PLIN5: variants seen among roughly 807,000 people sequenced by gnomAD.
The protein encoded by PLIN5 is perilipin 5, also known as perilipin-5.
In PLIN5, 34 loss-of-function variants were observed where a neutral mutation model predicts 32.8. That is an observed-to-expected ratio of 1.04 (90% CI 0.79 to 1.38). The LOEUF (loss-of-function observed/expected upper bound fraction) is 1.38, where lower values mean the gene tolerates loss of function less well. Among genes scored for constraint, PLIN5 ranks in the 40% most tolerant of loss-of-function variants. PLIN5 has a pLI of 0.00. For synonymous variants in PLIN5, 309 were observed against 292.9 expected (o/e 1.05, Z -0.56); for missense variants, 712 against 660.5 (o/e 1.08, Z -0.85).
chr19:4,529,266 G>C lies in PLIN5; in HGVS notation c.340-13C>G. On this transcript the variant is annotated splice_polypyrimidine_tract_variant and intron_variant, in intron 4 of 7. Coordinates refer to ENST00000381848, the MANE Select transcript of PLIN5 (RefSeq NM_001013706.3). The stretch of plus-strand genomic sequence containing the variant: ...CTGAGGTCACCACCTGGAAGGAAGG[G>C]CCCCCCCACTCCAGGCACCGTGGGA... 6.3e-7 allele frequency: 1 copy of C among 1,586,954 alleles called. No homozygotes were observed. The highest frequency in any genetic ancestry group is 8.6e-7 in the Non-Finnish European group (1 of 1,164,074).
In PLIN5 at chr19:4,528,964, G is replaced by A. The variant is rs530160756; in HGVS notation, c.520+109C>T. Reference sequence around the variant, plus strand: ...CCTGGTTTTGAGTTGTATGTTTCCTGCTGATCTGCTGTGTGACCTTGGGTG... The same window carrying A: ...CCTGGTTTTGAGTTGTATGTTTCCTACTGATCTGCTGTGTGACCTTGGGTG... On this transcript the variant is annotated intron_variant, in intron 5 of 7. Transcript: ENST00000381848. 304 of 1,202,770 alleles carry A rather than the reference G, an allele frequency of 2.5e-4. 9 individuals carry two copies. In the South Asian group the frequency reaches 4.6e-3, roughly 18 times the overall value. The allele number at this position is 1,202,770 out of a possible 1,614,324, so 74.5% of individuals were successfully genotyped here.
chr19:4,534,743 T>A (rs772457021), intron 1 of PLIN5, among the ~76,000 whole-genome samples: 1 of 152,176 alleles, frequency 6.6e-6, no homozygotes, highest in African/African-American at 2.4e-5. Flanking sequence ...GGGAGGTCCC[T>A]GCTACCCCTG....
chr19:4,531,777 A>C lies in PLIN5; in HGVS notation c.106T>G (p.Cys36Gly), dbSNP rs768161547. The change falls in exon 3 of 8, where the codon TGC becomes GGC. Residue 36 changes from cysteine (C) to glycine (G), a missense_variant. Transcript: ENST00000381848. Reference sequence around the variant, plus strand: ...CTGTAAACATCGCAGACCGCGGTGCACGTGGCCCTGACCAGGGGCAGAGCC... The same window carrying C: ...CTGTAAACATCGCAGACCGCGGTGCCCGTGGCCCTGACCAGGGGCAGAGCC... ...VVALPLVRAT[C>G]TAVCDVYSAA... 1 of 1,591,504 alleles carries C rather than the reference A, an allele frequency of 6.3e-7. No individual in the cohort carries two copies. Among genetic ancestry groups the C allele is most frequent in the African/African-American group, 1.3e-5 (1 of 74,588 alleles).
chr19:4,534,988 C>G (rs760703368), intron 1 of PLIN5, among the ~76,000 whole-genome samples, 177 bp downstream of exon 1: 1 of 152,224 alleles, frequency 6.6e-6, no homozygotes, highest in Non-Finnish European at 1.5e-5. Flanking sequence ...TCCTCTGAGG[C>G]CTGGTCCTCG....
In PLIN5 at chr19:4,523,640, C is replaced by T. The variant is rs914542592; in HGVS notation, c.1280G>A (p.Ser427Asn). The T allele has an allele frequency of 6.2e-7, 1 of 1,610,350 alleles. No individual in the cohort carries two copies. The highest frequency in any genetic ancestry group is 8.5e-7 in the Non-Finnish European group (1 of 1,178,518). Residue 427 changes from serine to asparagine, a missense_variant, in exon 8 of 8, where the codon AGT (serine) becomes AAT (asparagine). By Grantham distance (46) the Ser-to-Asn change is conservative. Coordinates refer to ENST00000381848, the MANE Select transcript of PLIN5 (RefSeq NM_001013706.3). This position sits in a 1 kb window ranked among gnomAD's most constrained non-coding sequence, Gnocchi z 5.0. The stretch of plus-strand genomic sequence containing the variant: ...CATCCTGTCCCCATCCCCATTCCCA[C>T]TCCCGTCCCTGTGCTCTGCCTCCCA... ...RAWEAEHRDGSGNGDGDRMGV... is the reference protein window; with the variant it reads ...RAWEAEHRDGNGNGDGDRMGV...
chr19:4,529,600 CATATATGT>C (rs1446025754), intron 4 of PLIN5, 176 bp downstream of exon 4: 5 of 450,070 alleles, frequency 1.1e-5, no homozygotes, highest in African/African-American at 6.9e-5. Context: ...TACGTATATA[CATATATGT>C]ATACACACAC....
intron 2 of PLIN5, chr19:4,533,349 C>G (rs1280245949): frequency 6.6e-6 from 1 of 152,508 alleles, no homozygotes; most frequent in African/African-American, 2.4e-5. Context: ...GCCCGCTTGG[C>G]CTCCCAAAGT....
At position 4,525,546 on chromosome 19, in the gene PLIN5, G is replaced by T; in HGVS notation, c.720+87C>A. The T allele has an allele frequency of 6.6e-7, 1 of 1,509,140 alleles. No homozygotes were observed. The highest frequency in any genetic ancestry group is 9.0e-7 in the Non-Finnish European group (1 of 1,110,458). The allele number at this position is 1,509,140 out of a possible 1,614,324, so 93.5% of individuals were successfully genotyped here. On this transcript the variant is annotated intron_variant, in intron 6 of 7. Transcript: ENST00000381848. This position sits in a 1 kb window ranked among gnomAD's most constrained non-coding sequence, Gnocchi z 5.6. ...CACCCAGCTCCGCCTCCTGCTTTAGGCTAGCACGGGATCCGGTATTCAGCT... is the reference window on the plus strand; with the variant it reads ...CACCCAGCTCCGCCTCCTGCTTTAGTCTAGCACGGGATCCGGTATTCAGCT...
chr19:4,534,047 G>A lies in PLIN5; in HGVS notation c.28C>T (p.Pro10Ser), dbSNP rs1568247048. ...TCCTGCTCCCACACACTGGATCTGG[G>A]GATCTGAGCCGCCTCTTCTTCAGAC... MSEEEAAQI[P>S]RSSVWEQDQQ... The change falls in exon 2 of 8, where the codon CCC becomes TCC. Residue 10 changes from proline (P) to serine (S), a missense_variant. Pro to Ser is a moderately conservative substitution (Grantham distance 74). Transcript: ENST00000381848. 2 of 1,613,188 alleles carry A rather than the reference G, an allele frequency of 1.2e-6. No homozygotes were observed. The highest frequency in any genetic ancestry group is 2.7e-5 in the African/African-American group (2 of 74,912).
intron 4 of PLIN5, 148 bp downstream of exon 4, chr19:4,529,610 TACACACACACACACACACACACACAC>T (rs56850019): frequency 2.1e-5 from 9 of 432,428 alleles, no homozygotes; most frequent in Admixed American, 3.4e-5. Flanking sequence ...CATATATGTA[TACACACACACACACACACACACACAC>T]ACACACACAC....
In PLIN5 at chr19:4,524,971, G is replaced by A. The variant is rs111442645; in HGVS notation, c.826C>T (p.Arg276Trp). 1.2e-4 allele frequency: 185 copies of A among 1,531,060 alleles called. 1 individual carries two copies. The highest frequency in any genetic ancestry group is 4.6e-4 in the Middle Eastern group (2 of 4,354). The allele number at this position is 1,531,060 out of a possible 1,614,324, so 94.8% of individuals were successfully genotyped here. A position where few individuals can be genotyped will look rare whatever the true frequency, so the allele number is the denominator to read the frequency against. ...WGQRPPESRRRSQAELETLVL... is the reference protein window; with the variant it reads ...WGQRPPESRRWSQAELETLVL... ...CACTCCTGCGGTCTCACCTGGCTCC[G>A]GCGGCGGCTCTCCGGAGGGCGCTGG... The change falls in exon 7 of 8, where the codon CGG (arginine) becomes TGG (tryptophan). Residue 276 changes from arginine to tryptophan, a missense_variant. Physicochemically the swap from Arg to Trp is moderately radical, Grantham distance 101 (BLOSUM62 -3). Coordinates refer to ENST00000381848, the MANE Select transcript of PLIN5 (RefSeq NM_001013706.3).
At chr19:4,530,463 A>G (rs1401676144) in intron 3 of PLIN5, among the ~76,000 whole-genome samples, 3 of 152,154 alleles carry the variant, frequency 2.0e-5, no homozygotes, top group Non-Finnish European at 4.4e-5. Flanking sequence ...TCATCGGCTC[A>G]GGGGTCCACA....
At position 4,528,923 on chromosome 19, in the gene PLIN5, C is replaced by T. The variant is rs149066337; in HGVS notation, c.520+150G>A. ...CAGGTTGAGGGGCCGTGGAAGTGAC[C>T]GGGAGGGAGGACAGGCCTGGTTTTG... On this transcript the variant is annotated intron_variant, in intron 5 of 7. Transcript: ENST00000381848. 1.1e-4 allele frequency: 88 copies of T among 821,450 alleles called. No individual in the cohort carries two copies. In the East Asian group the frequency reaches 2.3e-3, roughly 22 times the overall value. 50.9% of individuals were successfully genotyped at this position (821,450 alleles called of 1,614,324 possible). A position where few individuals can be genotyped will look rare whatever the true frequency, so the allele number is the denominator to read the frequency against.
chr19:4,529,562 TTATACG>T (rs1287778540), intron 4 of PLIN5: 2 of 478,302 alleles, frequency 4.2e-6, no homozygotes, highest in Non-Finnish European at 3.6e-6. Context: ...ACATATATAC[TTATACG>T]TATATATACA....
intron 5 of PLIN5, among the ~76,000 whole-genome samples, chr19:4,526,272 A>C (rs1012764789): frequency 3.3e-5 from 5 of 151,908 alleles, no homozygotes; most frequent in African/African-American, 4.8e-5. Flanking sequence ...CCTAGGCTGG[A>C]GTGCAGTGGC....
chr19:4,525,805 G>A lies in PLIN5; in HGVS notation c.548C>T (p.Pro183Leu). ...LAALAAEAEG[P>L]EVGSVEDQRR... is the part of the protein sequence containing the mutation. ...CTGATCCTCCACCGAACCCACTTCA[G>A]GGCCTTCAGCCTCAGCCGCCAGTGC... is the stretch of plus-strand genomic sequence containing the variant. The change falls in exon 6 of 8, where the codon CCT (proline) becomes CTT (leucine). Residue 183 changes from proline to leucine, a missense_variant. Coordinates refer to ENST00000381848, the MANE Select transcript of PLIN5 (RefSeq NM_001013706.3). This position sits in a 1 kb window ranked among gnomAD's most constrained non-coding sequence, Gnocchi z 5.6. 1 of 1,612,854 alleles carries A rather than the reference G, an allele frequency of 6.2e-7. No homozygotes were observed. Among genetic ancestry groups the A allele is most frequent in the East Asian group, 2.2e-5 (1 of 44,854 alleles).
In PLIN5 at chr19:4,525,505, C is replaced by G; in HGVS notation, c.720+128G>C. The stretch of plus-strand genomic sequence containing the variant: ...CGGGTCCCCCAGCCCTGAACACATG[C>G]AGCTGGAGACAGCTGCACCCAGCTC... On this transcript the variant is annotated intron_variant, in intron 6 of 7. Coordinates refer to ENST00000381848, the MANE Select transcript of PLIN5 (RefSeq NM_001013706.3). The surrounding 1 kb of genome is among the most constrained non-coding windows in gnomAD (Gnocchi z 5.6). The G allele has an allele frequency of 8.6e-7, 1 of 1,157,312 alleles. No individual in the cohort carries two copies. The allele number at this position is 1,157,312 out of a possible 1,614,324, so 71.7% of individuals were successfully genotyped here.
In PLIN5 at chr19:4,534,043, C is replaced by G; in HGVS notation, c.32G>C (p.Arg11Thr). The G allele has an allele frequency of 1.2e-6, 2 of 1,613,298 alleles. No homozygotes were observed. The highest frequency in any genetic ancestry group is 1.7e-6 in the Non-Finnish European group (2 of 1,179,672). Residue 11 changes from arginine to threonine, a missense_variant, in exon 2 of 8, where the codon AGA (arginine) becomes ACA (threonine). Physicochemically the swap from Arg to Thr is moderately conservative, Grantham distance 71 (BLOSUM62 -1). Transcript: ENST00000381848. MSEEEAAQIP[R>T]SSVWEQDQQN... is the part of the protein sequence containing the mutation. ...CTGGTCCTGCTCCCACACACTGGAT[C>G]TGGGGATCTGAGCCGCCTCTTCTTC...
At position 4,525,652 on chromosome 19, in the gene PLIN5, A is replaced by C. The variant is rs937900972; in HGVS notation, c.701T>G (p.Leu234Arg). Reference sequence around the variant, plus strand: ...TCTCACCAGCTCCAGCGTCTCCTGCAGCTGGGCCAGGGTGTCCTGGGCACG... The same window carrying C: ...TCTCACCAGCTCCAGCGTCTCCTGCCGCTGGGCCAGGGTGTCCTGGGCACG... ...KHRAQDTLAQ[L>R]QETLELIDHM... Residue 234 changes from leucine (L) to arginine (R), a missense_variant, in exon 6 of 8, where the codon CTG becomes CGG. Coordinates refer to ENST00000381848, the MANE Select transcript of PLIN5 (RefSeq NM_001013706.3). This position sits in a 1 kb window ranked among gnomAD's most constrained non-coding sequence, Gnocchi z 5.6. 15 of 1,613,382 alleles carry C rather than the reference A, an allele frequency of 9.3e-6. No individual in the cohort carries two copies. Among genetic ancestry groups the C allele is most frequent in the African/African-American group, 1.3e-5 (1 of 74,928 alleles).
Sources: gnomAD v4.1 joint callset for allele counts (sites outside exome capture counted in the v4.1 genomes callset) on GRCh38, gnomAD v4.1.1 for gene constraint, Gnocchi (gnomAD v3.1) non-coding constraint, MANE v1.5 for transcripts, NCBI Gene and HGNC (gene_info 2026-07-23, HGNC 2026-07-21) for gene names.